MARS1: variants seen among roughly 807,000 people sequenced by gnomAD.
MARS1 encodes the protein methionyl-tRNA synthetase 1.
MARS1 carries 80 observed loss-of-function variants against 119.5 expected under a neutral mutation model. The ratio of observed to expected loss-of-function variants is 0.67; its 90% CI spans 0.56 to 0.81. The LOEUF is 0.81. Ranked by LOEUF, MARS1 falls within the 30% of genes least tolerant of loss-of-function variation. MARS1 has a pLI of 0.00. For missense variants in MARS1, 945 were observed against 1,116.5 expected (o/e 0.85, Z 2.19); for synonymous variants, 418 against 433.4 (o/e 0.96, Z 0.44).
Position 57,514,700 on chromosome 12 carries a change from C to T in MARS1, c.1968-20C>T, listed in dbSNP as rs781708212. On this transcript the variant is annotated intron_variant, in intron 15 of 20. Coordinates refer to ENST00000262027, the MANE Select transcript of MARS1 (RefSeq NM_004990.4). ...ACTTCCCCTCTTTTTTCCACTTCTGCTTTCCTACTCCCAACCAAGAGCTGG... is the reference window on the plus strand; with the variant it reads ...ACTTCCCCTCTTTTTTCCACTTCTGTTTTCCTACTCCCAACCAAGAGCTGG... The T allele has an allele frequency of 2.7e-5, 43 of 1,613,760 alleles. 1 individual carries two copies. The highest frequency in any genetic ancestry group is 6.7e-5 in the Admixed American group (4 of 59,990).
rs574869422 is a variant in MARS1, at chr12:57,503,031, C to A, written c.1294-1194C>A. ...ACAGAGTGAGACTTCGTCTCAAAAA[C>A]AACAACAACAACAACAACAACAAAA... On this transcript the variant is annotated intron_variant, in intron 10 of 20. Transcript: ENST00000262027. 3.3e-5 allele frequency among the ~76,000 whole-genome samples: 5 copies of A among 150,736 alleles called. No individual in the cohort carries two copies. In the South Asian group the frequency reaches 6.2e-4, roughly 19 times the overall value.
At chr12:57,495,546 A>G (rs1297101241) in intron 7 of MARS1, among the ~76,000 whole-genome samples, 1 of 149,754 alleles carries the variant, frequency 6.7e-6, no homozygotes, top group African/African-American at 2.5e-5. Context: ...GGCTCCTCAC[A>G]TCCCAGACGA....
intron 10 of MARS1, among the ~76,000 whole-genome samples, chr12:57,502,270 A>G (rs938373785): frequency 6.6e-6 from 1 of 152,124 alleles, no homozygotes; most frequent in Non-Finnish European, 1.5e-5. Flanking sequence ...GGATGCAGCC[A>G]TACTGTTTGG....
chr12:57,498,092 C>T lies in MARS1; in HGVS notation c.771-65C>T. ...CAAATCTGTGTCCGGGTGTTCTGTG[C>T]ACTTTTCGTCCCTGTTGACCCTCAC... is the stretch of plus-strand genomic sequence containing the variant. On this transcript the variant is annotated intron_variant, in intron 7 of 20. Coordinates refer to ENST00000262027, the MANE Select transcript of MARS1 (RefSeq NM_004990.4). The T allele has an allele frequency of 7.1e-6, 7 of 987,290 alleles. No individual in the cohort carries two copies. In the South Asian group the frequency reaches 9.4e-5, roughly 13 times the overall value. The allele number at this position is 987,290 out of a possible 1,614,324, so 61.2% of individuals were successfully genotyped here. A position where few individuals can be genotyped will look rare whatever the true frequency, so the allele number is the denominator to read the frequency against.
At chr12:57,499,335 C>G (rs1189757573) in intron 9 of MARS1, among the ~76,000 whole-genome samples, 1 of 148,508 alleles carries the variant, frequency 6.7e-6, no homozygotes, top group African/African-American at 2.5e-5. Flanking sequence ...GTGGCTCACA[C>G]CTGTAATCCC....
rs1354093739 is a variant in MARS1, at chr12:57,500,516, G to A, written c.1287G>A (p.Glu429=). The A allele has an allele frequency of 1.2e-6, 2 of 1,614,068 alleles. No homozygotes were observed. Among genetic ancestry groups the A allele is most frequent in the East Asian group, 2.2e-5 (1 of 44,874 alleles). ...GTGGCAAGCTCATCAATGCTGTCGA[G>A]CTTAAGGTAAGAGGAGGGTCTCCAT... The part of the protein sequence containing the change: ...DKCGKLINAV[E]LKKPQCKVCR... The change falls in exon 10 of 21, where the codon GAG becomes GAA. Residue 429 remains glutamate, a synonymous_variant. Coordinates refer to ENST00000262027, the MANE Select transcript of MARS1 (RefSeq NM_004990.4).
At chr12:57,507,188 C>G (rs532066169) in intron 11 of MARS1, among the ~76,000 whole-genome samples, 14 of 152,198 alleles carry the variant, frequency 9.2e-5, no homozygotes, top group Middle Eastern at 3.4e-3. Flanking sequence ...AGATCAACAG[C>G]ATCCCAAGGC....
intron 1 of MARS1, chr12:57,488,581 C>T: frequency 1.3e-6 from 2 of 1,550,962 alleles, no homozygotes; most frequent in Non-Finnish European, 1.7e-6. Flanking sequence ...CTCTCCCCTC[C>T]TAACACACAC....
At chr12:57,502,556 A>T (rs772258963) in intron 10 of MARS1, among the ~76,000 whole-genome samples, 1 of 151,868 alleles carries the variant, frequency 6.6e-6, no homozygotes, top group African/African-American at 2.4e-5. Context: ...AAATACAAAA[A>T]TTAGCTGAGT....
intron 13 of MARS1, 49 bp from the exon 14 acceptor site, chr12:57,512,187 G>A (rs1369945454): frequency 1.9e-6 from 3 of 1,599,628 alleles, no homozygotes; most frequent in Non-Finnish European, 2.6e-6. Flanking sequence ...GTCTTCCTTG[G>A]GCCTTTGAAG....
chr12:57,498,556 G>A lies in MARS1; in HGVS notation c.1024G>A (p.Asp342Asn), dbSNP rs370644893. 2.3e-5 allele frequency: 37 copies of A among 1,614,080 alleles called. No individual in the cohort carries two copies. Among genetic ancestry groups the A allele is most frequent in the Non-Finnish European group, 2.8e-5 (33 of 1,180,050 alleles). The change falls in exon 9 of 21, where the codon GAC becomes AAC. Residue 342 changes from aspartate to asparagine, a missense_variant. Coordinates refer to ENST00000262027, the MANE Select transcript of MARS1 (RefSeq NM_004990.4). ...CGACAAGTACCACATCATCCATGCT[G>A]ACATCTACCGCTGGTTTAACATTTC... ...ICDKYHIIHA[D>N]IYRWFNISFD...
chr12:57,515,365 A>G lies in MARS1; in HGVS notation c.2391+29A>G, dbSNP rs748158318. The G allele has an allele frequency of 4.4e-6, 7 of 1,603,400 alleles. No individual in the cohort carries two copies. In the Admixed American group the frequency reaches 1.2e-4, roughly 27 times the overall value. On this transcript the variant is annotated intron_variant, in intron 18 of 20. Transcript: ENST00000262027. ...GGTGGAAGAGCCAGCCTCTCTTAAA[A>G]TTGATACTCTTGCCATGCAGCTTTT...
At chr12:57,490,778 CTCT>C in intron 7 of MARS1, 134 bp downstream of exon 7, 2 of 398,658 alleles carry the variant, frequency 5.0e-6, no homozygotes, top group Non-Finnish European at 4.3e-6. Flanking sequence ...ATTCTTACAT[CTCT>C]TTTTTTTTTT....
intron 5 of MARS1, 56 bp from the exon 6 acceptor site, chr12:57,490,151 G>T: frequency 6.4e-7 from 1 of 1,562,260 alleles, no homozygotes; most frequent in Non-Finnish European, 8.7e-7. Context: ...AAAGATGCCC[G>T]CTCCTGCCTA....
At position 57,500,333 on chromosome 12, in the gene MARS1, C is replaced by G; in HGVS notation, c.1104C>G (p.Asp368Glu). The change falls in exon 10 of 21, where the codon GAC becomes GAG. Residue 368 changes from aspartate (D) to glutamate (E), a missense_variant. Physicochemically the swap from Asp to Glu is conservative, Grantham distance 45. Transcript: ENST00000262027. Reference sequence around the variant, plus strand: ...CCCACCTCACCAGAATCACCCAGGACATTTTCCAGCAGTTGCTGAAACGAG... The same window carrying G: ...CCCACCTCACCAGAATCACCCAGGAGATTTTCCAGCAGTTGCTGAAACGAG... Reference protein sequence around the residue: ...TTPQQTKITQDIFQQLLKRGF... With the variant: ...TTPQQTKITQEIFQQLLKRGF... 6.2e-7 allele frequency: 1 copy of G among 1,614,142 alleles called. No homozygotes were observed. The highest frequency in any genetic ancestry group is 8.5e-7 in the Non-Finnish European group (1 of 1,179,982).
chr12:57,490,401 T>TG, intron 6 of MARS1, 22 bp downstream of exon 6: 1 of 1,611,878 alleles, frequency 6.2e-7, no homozygotes, highest in Non-Finnish European at 8.5e-7. Context: ...GGCAGAGCCT[T>TG]GGGGCCTGAG....
intron 1 of MARS1, 43 bp from the exon 2 acceptor site, chr12:57,488,976 T>C: frequency 7.0e-7 from 1 of 1,419,460 alleles, no homozygotes. Context: ...ATTTCTTTTC[T>C]TTTCCTTTTT....
chr12:57,507,618 C>T (rs1338715975), intron 11 of MARS1, among the ~76,000 whole-genome samples: 2 of 135,854 alleles, frequency 1.5e-5, no homozygotes, highest in South Asian at 2.5e-4. Flanking sequence ...GGTCTGGCCC[C>T]CCACCTCCCT....
Position 57,514,869 on chromosome 12 carries a change from CTG to C in MARS1, c.2099+20_2099+21del, listed in dbSNP as rs769015207. On this transcript the variant is annotated intron_variant, in intron 16 of 20. Coordinates refer to ENST00000262027, the MANE Select transcript of MARS1 (RefSeq NM_004990.4). ...AAGGTTCGGTAAGTAACTGACACCT[CTG>C]TCTTTTCTGCTGGCATGTTGAGAGC... The C allele has an allele frequency of 3.1e-6, 5 of 1,613,380 alleles. No homozygotes were observed. In the South Asian group the frequency reaches 5.5e-5, roughly 18 times the overall value.
Sources: gnomAD v4.1 joint callset for allele counts (sites outside exome capture counted in the v4.1 genomes callset) on GRCh38, gnomAD v4.1.1 for gene constraint, MANE v1.5 for transcripts, NCBI Gene and HGNC (gene_info 2026-07-23, HGNC 2026-07-21) for gene names.